Variants in PRELID2 observed in about 807,000 individuals in gnomAD.
PRELID2 encodes the protein PRELI domain containing 2.
Under a neutral mutation model 28.4 loss-of-function variants are expected in PRELID2, and 25 were observed. The ratio of observed to expected loss-of-function variants is 0.88; its 90% CI spans 0.64 to 1.23. The LOEUF (loss-of-function observed/expected upper bound fraction) is 1.23, where lower values mean the gene tolerates loss of function less well. Among genes scored for constraint, PRELID2 ranks in the 50% most tolerant of loss-of-function variants. The pLI is 0.00. For missense variants in PRELID2, 201 were observed against 214.4 expected (o/e 0.94, Z 0.39); for synonymous variants, 76 against 71.6 (o/e 1.06, Z -0.31).
chr5:145,515,710 T>C (rs2126644409), intron 1 of PRELID2, among the ~76,000 whole-genome samples: 1 of 152,270 alleles, frequency 6.6e-6, no homozygotes, highest in South Asian at 2.1e-4. Flanking sequence ...CAGGCCAATA[T>C]ACCTGATGAA....
intron 1 of PRELID2, among the ~76,000 whole-genome samples, chr5:145,713,049 A>G (rs972021783): frequency 6.6e-6 from 1 of 151,954 alleles, no homozygotes; most frequent in Non-Finnish European, 1.5e-5. Context: ...GAAGAACAAC[A>G]TAGAACTGCG....
chr5:145,693,644 T>G lies in PRELID2; in HGVS notation n.70+71287A>C, dbSNP rs571684006. On this transcript the variant is annotated intron_variant and non_coding_transcript_variant, in intron 1 of 2. Transcript: ENST00000510259. ...AAAAATTAGCCAGGCCATGGTGGTG[T>G]GCACCTGCAGTCCTAGCTACTCAGG... Among the ~76,000 whole-genome samples the G allele has an allele frequency of 3.3e-5, 5 of 152,206 alleles. No homozygotes were observed. The South Asian group carries it at 1.0e-3, about 32-fold the overall frequency.
chr5:145,466,287 T>A, the PRELID2 span, among the ~76,000 whole-genome samples: 1 of 152,156 alleles, frequency 6.6e-6, no homozygotes, highest in Non-Finnish European at 1.5e-5. Flanking sequence ...AAGATTAATA[T>A]CTTGATACAA....
chr5:145,501,086 C>G (rs1475902887), intron 1 of PRELID2, among the ~76,000 whole-genome samples: 1 of 152,142 alleles, frequency 6.6e-6, no homozygotes, highest in East Asian at 1.9e-4. Context: ...GGGCATGTCT[C>G]TTTCTCACAA....
the PRELID2 span, among the ~76,000 whole-genome samples, chr5:145,435,394 C>A: frequency 6.6e-6 from 1 of 152,044 alleles, no homozygotes; most frequent in Non-Finnish European, 1.5e-5. Context: ...CAAGCCAGAG[C>A]AAGTTTGATG....
At chr5:145,457,308 A>G in the PRELID2 span, among the ~76,000 whole-genome samples, 1 of 152,188 alleles carries the variant, frequency 6.6e-6, no homozygotes, top group Non-Finnish European at 1.5e-5. Flanking sequence ...GGACTAAATA[A>G]AAGTATGGAA....
At chr5:145,399,654 C>G in the PRELID2 span, among the ~76,000 whole-genome samples, 1 of 152,076 alleles carries the variant, frequency 6.6e-6, no homozygotes, top group Non-Finnish European at 1.5e-5. Flanking sequence ...CCCCTCATCT[C>G]CCAGGGCTCC....
intron 2 of PRELID2, among the ~76,000 whole-genome samples, chr5:145,820,407 A>G (rs533715535): frequency 6.6e-6 from 1 of 152,262 alleles, no homozygotes; most frequent in Admixed American, 6.5e-5. Context: ...CAAGGATGAA[A>G]GAATCACAAC....
intron 1 of PRELID2, among the ~76,000 whole-genome samples, chr5:145,672,501 GAA>G (rs752045360): frequency 2.0e-5 from 2 of 99,132 alleles, no homozygotes; most frequent in Non-Finnish European, 2.4e-5. Context: ...CGGAGCTTGT[GAA>G]AAAAAAAAAA....
the PRELID2 span, among the ~76,000 whole-genome samples, chr5:145,240,268 T>C: frequency 1.3e-5 from 2 of 151,992 alleles, no homozygotes; most frequent in South Asian, 2.1e-4. Context: ...AGGGAAAGCA[T>C]GCTTTTATAG....
At chr5:145,786,539 C>T (rs1752006033) in intron 5 of PRELID2, among the ~76,000 whole-genome samples, 1 of 152,172 alleles carries the variant, frequency 6.6e-6, no homozygotes, top group Non-Finnish European at 1.5e-5. Context: ...CCCACTGAGC[C>T]TTCAGATGAG....
At chr5:145,807,167 G>A (rs1037560270) in intron 4 of PRELID2, among the ~76,000 whole-genome samples, 1 of 152,080 alleles carries the variant, frequency 6.6e-6, no homozygotes, top group African/African-American at 2.4e-5. Context: ...TAGCCAACAG[G>A]ACTTTTTCAG....
intron 1 of PRELID2, among the ~76,000 whole-genome samples, chr5:145,675,846 G>A (rs982772582): frequency 6.6e-6 from 1 of 152,180 alleles, no homozygotes; most frequent in African/African-American, 2.4e-5. Flanking sequence ...CTACACAATT[G>A]TAAAGAAAAA....
At chr5:145,698,032 G>T (rs894404744) in intron 1 of PRELID2, among the ~76,000 whole-genome samples, 1 of 151,606 alleles carries the variant, frequency 6.6e-6, no homozygotes, top group African/African-American at 2.4e-5. Context: ...GGTTTGCAAG[G>T]CAATTCAAAA....
intron 1 of PRELID2, among the ~76,000 whole-genome samples, chr5:145,630,256 A>C (rs757469791): frequency 1.2e-4 from 18 of 152,090 alleles, no homozygotes; most frequent in Non-Finnish European, 2.4e-4. Context: ...GTCAGTGGGT[A>C]AGTGGAGGAC....
At chr5:145,621,402 C>T (rs1026161341) in intron 1 of PRELID2, among the ~76,000 whole-genome samples, 4 of 152,070 alleles carry the variant, frequency 2.6e-5, no homozygotes, top group African/African-American at 7.2e-5. Flanking sequence ...TAGCTGTATA[C>T]AAAGAGATTT....
At chr5:145,688,818 T>G (rs1256742696) in intron 1 of PRELID2, among the ~76,000 whole-genome samples, 1 of 152,172 alleles carries the variant, frequency 6.6e-6, no homozygotes, top group African/African-American at 2.4e-5. Context: ...CTAAAGGCAA[T>G]GGGAAGCCAA....
At chr5:145,277,292 T>C in the PRELID2 span, among the ~76,000 whole-genome samples, 1,206 of 152,302 alleles carry the variant, frequency 7.9e-3, 14 homozygotes, top group Middle Eastern at 0.02. Flanking sequence ...TTCATGTATC[T>C]TTTAAAGTCT....
At chr5:145,500,860 A>T (rs1752353749) in intron 1 of PRELID2, among the ~76,000 whole-genome samples, 1 of 152,132 alleles carries the variant, frequency 6.6e-6, no homozygotes, top group Non-Finnish European at 1.5e-5. Context: ...CTGCTGCAAT[A>T]AATCATCTCT....
Sources: gnomAD v4.1 joint callset for allele counts (sites outside exome capture counted in the v4.1 genomes callset) on GRCh38, gnomAD v4.1.1 for gene constraint, MANE v1.5 for transcripts, NCBI Gene and HGNC (gene_info 2026-07-23, HGNC 2026-07-21) for gene names.